The following CADM2 variants were observed in gnomAD, a reference collection of about 807,000 sequenced individuals.
CADM2 encodes the protein cell adhesion molecule 2.
In CADM2, 12 loss-of-function variants were observed where a neutral mutation model predicts 49.8. That is an observed-to-expected ratio of 0.24 (90% CI 0.15 to 0.39). The LOEUF is 0.39. Ranked by LOEUF, CADM2 falls within the 10% of genes least tolerant of loss-of-function variation. The pLI is 1.00. For synonymous variants in CADM2, 214 were observed against 175.4 expected (o/e 1.22, Z -1.74); for missense variants, 378 against 492.3 (o/e 0.77, Z 2.20).
chr3:85,009,447 T>C (rs188332892), intron 1 of CADM2, among the ~76,000 whole-genome samples: 486 of 152,336 alleles, frequency 3.2e-3, no homozygotes, highest in African/African-American at 8.0e-3. Flanking sequence ...ACTTAACTTC[T>C]CTGTTCCTCA....
intron 1 of CADM2, among the ~76,000 whole-genome samples, chr3:85,406,064 A>T (rs1038193463): frequency 6.6e-5 from 10 of 152,076 alleles, no homozygotes; most frequent in Non-Finnish European, 1.2e-4. Context: ...CTATAAATGG[A>T]TTATAAAAAT....
chr3:85,202,442 C>G (rs890544822), intron 1 of CADM2, among the ~76,000 whole-genome samples: 1 of 152,146 alleles, frequency 6.6e-6, no homozygotes, highest in Admixed American at 6.5e-5. Flanking sequence ...ATATCTCCAT[C>G]AGAGGTCTTA....
chr3:85,733,512 GGAGA>G (rs1273676992), intron 2 of CADM2, among the ~76,000 whole-genome samples: 2 of 152,092 alleles, frequency 1.3e-5, no homozygotes, highest in African/African-American at 2.4e-5. Flanking sequence ...GGGTCACAAT[GGAGA>G]GAGAGTGTTA....
intron 1 of CADM2, among the ~76,000 whole-genome samples, chr3:84,969,507 CT>C (rs11456909): frequency 6.0e-5 from 9 of 149,566 alleles, no homozygotes; most frequent in African/African-American, 1.7e-4. Context: ...TCTGGTCTAT[CT>C]TTTTTTTTAA....
intron 1 of CADM2, among the ~76,000 whole-genome samples, chr3:85,033,757 G>T (rs759353002): frequency 6.6e-6 from 1 of 152,062 alleles, no homozygotes; most frequent in Non-Finnish European, 1.5e-5. Context: ...TTTGTGTGTG[G>T]GGAAAGAGAA....
chr3:85,774,809 C>A (rs1373575279), intron 2 of CADM2, among the ~76,000 whole-genome samples: 1 of 151,542 alleles, frequency 6.6e-6, no homozygotes, highest in Non-Finnish European at 1.5e-5. Context: ...GATTGGGAAG[C>A]CTATGAAAAC....
At chr3:85,631,616 G>A (rs1366413627) in intron 1 of CADM2, among the ~76,000 whole-genome samples, 1 of 151,990 alleles carries the variant, frequency 6.6e-6, no homozygotes, top group Non-Finnish European at 1.5e-5. Context: ...TTTCTCCCAC[G>A]AATTAATTTT....
At chr3:85,733,099 C>T (rs549477305) in intron 2 of CADM2, among the ~76,000 whole-genome samples, 1 of 152,298 alleles carries the variant, frequency 6.6e-6, no homozygotes, top group Non-Finnish European at 1.5e-5. Flanking sequence ...GTAAATCTGG[C>T]ATTTCTCATT....
chr3:85,769,624 T>C (rs1055385254), intron 2 of CADM2, among the ~76,000 whole-genome samples: 1 of 114,108 alleles, frequency 8.8e-6, no homozygotes, highest in Non-Finnish European at 1.8e-5. Context: ...ACATATATAG[T>C]ATATATATAC....
intron 1 of CADM2, among the ~76,000 whole-genome samples, chr3:85,199,370 T>TGTGTGTGTGTGTGAGAGA (rs1553694531): frequency 7.1e-6 from 1 of 140,106 alleles, no homozygotes; most frequent in African/African-American, 2.8e-5. Flanking sequence ...TGTGTGTGTA[T>TGTGTGTGTGTGTGAGAGA]GAGAGAGAGA....
At chr3:85,730,005 G>T (rs1018341550) in intron 2 of CADM2, among the ~76,000 whole-genome samples, 1 of 152,120 alleles carries the variant, frequency 6.6e-6, no homozygotes, top group Non-Finnish European at 1.5e-5. Context: ...CTCATGACAT[G>T]AATATTAGTC....
rs966291141 is a variant in CADM2, at chr3:85,101,560, A to G, written c.61+141892A>G. Among the ~76,000 whole-genome samples the G allele has an allele frequency of 9.2e-5, 14 of 152,144 alleles. No homozygotes were observed. The East Asian group carries it at 2.5e-3, about 27-fold the overall frequency. On this transcript the variant is annotated intron_variant, in intron 1 of 9. Transcript: ENST00000383699. Reference sequence around the variant, plus strand: ...TGTTTCACCTTAGGTGCATTATCCTACTAAAATCATCAAACATACTGGATA... The same window carrying G: ...TGTTTCACCTTAGGTGCATTATCCTGCTAAAATCATCAAACATACTGGATA...
chr3:85,854,900 A>C (rs2075249339), intron 3 of CADM2, among the ~76,000 whole-genome samples: 1 of 152,174 alleles, frequency 6.6e-6, no homozygotes, highest in Non-Finnish European at 1.5e-5. Flanking sequence ...AGAATACCTT[A>C]GTAACTCTCC....
chr3:85,215,193 G>A (rs1406874653), intron 1 of CADM2, among the ~76,000 whole-genome samples: 1 of 151,614 alleles, frequency 6.6e-6, no homozygotes, highest in African/African-American at 2.4e-5. Flanking sequence ...CTGCCAGGAA[G>A]GAATCCTTCC....
intron 8 of CADM2, chr3:85,992,673 A>C (rs1397935340): frequency 2.0e-5 from 3 of 152,170 alleles, no homozygotes; most frequent in Admixed American, 1.3e-4. Flanking sequence ...CATCATGTCC[A>C]TAAAAACAAT....
intron 3 of CADM2, among the ~76,000 whole-genome samples, chr3:85,836,142 G>A (rs938377099): frequency 9.9e-5 from 15 of 151,448 alleles, no homozygotes; most frequent in Non-Finnish European, 2.1e-4. Flanking sequence ...GATAGCATCT[G>A]ACCTTTTATC....
chr3:85,177,915 C>T (rs1005656938), intron 1 of CADM2, among the ~76,000 whole-genome samples: 6 of 151,712 alleles, frequency 4.0e-5, no homozygotes, highest in Non-Finnish European at 7.4e-5. Flanking sequence ...AGAAAAAAGG[C>T]GGATAATCCA....
intron 1 of CADM2, among the ~76,000 whole-genome samples, chr3:85,121,601 G>A (rs2038865999): frequency 6.6e-6 from 1 of 152,060 alleles, no homozygotes. Context: ...CTATGCAAAG[G>A]ACAAGAGATA....
chr3:85,284,376 A>G (rs2106903439), intron 1 of CADM2, among the ~76,000 whole-genome samples: 1 of 152,262 alleles, frequency 6.6e-6, no homozygotes, highest in African/African-American at 2.4e-5. Context: ...AACACAACAT[A>G]TATAATAAAC....
Sources: gnomAD v4.1 joint callset for allele counts (sites outside exome capture counted in the v4.1 genomes callset) on GRCh38, gnomAD v4.1.1 for gene constraint, MANE v1.5 for transcripts, NCBI Gene and HGNC (gene_info 2026-07-23, HGNC 2026-07-21) for gene names.